The following PHF2 variants were observed in gnomAD, a reference collection of about 807,000 sequenced individuals.
The protein encoded by PHF2 is PHD finger protein 2, also known as lysine-specific demethylase PHF2.
A neutral mutation model predicts 120.5 loss-of-function variants in PHF2; 27 were observed. The observed-to-expected ratio is 0.22, with a 90% confidence interval of 0.17 to 0.31. PHF2 has a LOEUF of 0.31. Among genes scored for constraint, PHF2 ranks in the 10% least tolerant of loss-of-function variants. The pLI is 1.00. For missense variants in PHF2, 1,024 were observed against 1,434.8 expected (o/e 0.71, Z 4.63); for synonymous variants, 568 against 592.5 (o/e 0.96, Z 0.60).
At chr9:93,670,315 A>G (rs1963) in intron 17 of PHF2, among the ~76,000 whole-genome samples, 9,435 of 152,292 alleles carry the variant, frequency 0.062, 410 homozygotes, top group Non-Finnish European at 0.09. Flanking sequence ...GGTTTGAGCC[A>G]CAGGGAAGTG....
At chr9:93,613,289 A>G (rs934574053) in intron 1 of PHF2, among the ~76,000 whole-genome samples, 1 of 152,228 alleles carries the variant, frequency 6.6e-6, no homozygotes, top group African/African-American at 2.4e-5. Flanking sequence ...CTGTGGCCGC[A>G]TGCAAAGATG....
In PHF2 at chr9:93,677,137, C is replaced by T. The variant is rs1826932794; in HGVS notation, c.3202+174C>T. On this transcript the variant is annotated intron_variant, in intron 21 of 21. Coordinates refer to ENST00000359246, the MANE Select transcript of PHF2 (RefSeq NM_005392.4). This position sits in a 1 kb window ranked among gnomAD's most constrained non-coding sequence, Gnocchi z 4.4. Reference sequence around the variant, plus strand: ...GGTTGCATCTTTGTGTGAGCGTATCCCACAGTACAGGACGTGTGCTTTCAT... The same window carrying T: ...GGTTGCATCTTTGTGTGAGCGTATCTCACAGTACAGGACGTGTGCTTTCAT... Among the ~76,000 whole-genome samples, 1 of 147,626 alleles carries T rather than the reference C, an allele frequency of 6.8e-6. No individual in the cohort carries two copies. The highest frequency in any genetic ancestry group is 1.5e-5 in the Non-Finnish European group (1 of 67,122).
chr9:93,652,309 T>G (rs1244601599), intron 5 of PHF2, among the ~76,000 whole-genome samples: 2 of 149,744 alleles, frequency 1.3e-5, no homozygotes, highest in Non-Finnish European at 3.0e-5. Flanking sequence ...TTTTTTTTTT[T>G]TTGGAGATGG....
At chr9:93,643,522 C>T (rs1826202444) in intron 3 of PHF2, among the ~76,000 whole-genome samples, 1 of 152,192 alleles carries the variant, frequency 6.6e-6, no homozygotes, top group African/African-American at 2.4e-5. Flanking sequence ...AGCCAGTGGA[C>T]ATTCTTCAGT....
At chr9:93,663,494 A>G (rs945209165) in intron 13 of PHF2, 23 bp from the exon 14 acceptor site, 1 of 1,465,080 alleles carries the variant, frequency 6.8e-7, no homozygotes, top group Non-Finnish European at 9.5e-7. Context: ...GGGCTCAGGG[A>G]CGGCCCTGGT....
intron 17 of PHF2, among the ~76,000 whole-genome samples, chr9:93,668,278 T>G (rs1022754595): frequency 6.6e-6 from 1 of 152,160 alleles, no homozygotes; most frequent in Non-Finnish European, 1.5e-5. Flanking sequence ...CTGTCCATGT[T>G]AAGCCCCTTG....
At chr9:93,659,478 C>T in intron 10 of PHF2, 33 bp from the exon 11 acceptor site, 1 of 1,583,588 alleles carries the variant, frequency 6.3e-7, no homozygotes, top group Non-Finnish European at 8.7e-7. Flanking sequence ...CGGGAGGTGT[C>T]TGGTGCTGAC....
intron 20 of PHF2, 94 bp from the exon 21 acceptor site, chr9:93,676,500 C>T: frequency 1.4e-6 from 2 of 1,465,108 alleles, no homozygotes; most frequent in Non-Finnish European, 1.8e-6. Flanking sequence ...CTGCTGTGCT[C>T]AAGGGCCCCT....
chr9:93,607,175 T>C (rs1266726353), intron 1 of PHF2, among the ~76,000 whole-genome samples: 2 of 152,228 alleles, frequency 1.3e-5, no homozygotes, highest in African/African-American at 4.8e-5. Context: ...CACTATTGTG[T>C]TGGCTATTAT....
chr9:93,665,794 T>G lies in PHF2; in HGVS notation c.2046T>G (p.Asp682Glu). 6.2e-7 allele frequency: 1 copy of G among 1,613,906 alleles called. No homozygotes were observed. ...GGGATGAGTATGAGTACGTGTCGGA[T>G]GACGGTGAGCTCAAGATCGACGAGT... ...PVRDEYEYVS[D>E]DGELKIDEFP... The change falls in exon 15 of 22, where the codon GAT becomes GAG. Residue 682 changes from aspartate to glutamate, a missense_variant. Asp to Glu is a conservative substitution (Grantham distance 45). Around this residue, in one of 2 missense-constraint regions of PHF2, gnomAD observed 677 missense variants for 857.4 expected, o/e 0.79. Coordinates refer to ENST00000359246, the MANE Select transcript of PHF2 (RefSeq NM_005392.4).
chr9:93,590,990 A>G (rs1439960922), intron 1 of PHF2, among the ~76,000 whole-genome samples: 1 of 152,216 alleles, frequency 6.6e-6, no homozygotes, highest in Non-Finnish European at 1.5e-5. Context: ...GAGTGTGGAC[A>G]TCCCAACAGC....
Position 93,660,441 on chromosome 9 carries a change from G to A in PHF2, c.1579G>A (p.Gly527Ser), listed in dbSNP as rs774348404. ...PPKTLKLKDG[G>S]KKKGKKSRES... ...CAAAACGCTGAAGCTCAAAGATGGA[G>A]GCAAGAAGAAAGGGAAGAAGTCCCG... Residue 527 changes from glycine (G) to serine (S), a missense_variant, in exon 12 of 22, where the codon GGC becomes AGC. By Grantham distance (56) the Gly-to-Ser change is moderately conservative. Around this residue, in one of 2 missense-constraint regions of PHF2, gnomAD observed 677 missense variants for 857.4 expected, o/e 0.79. Coordinates refer to ENST00000359246, the MANE Select transcript of PHF2 (RefSeq NM_005392.4). The A allele has an allele frequency of 1.3e-6, 2 of 1,562,260 alleles. No homozygotes were observed. The highest frequency in any genetic ancestry group is 1.7e-6 in the Non-Finnish European group (2 of 1,154,290).
intron 1 of PHF2, among the ~76,000 whole-genome samples, chr9:93,609,887 G>A (rs906180749): frequency 1.3e-5 from 2 of 152,060 alleles, no homozygotes; most frequent in Non-Finnish European, 2.9e-5. Context: ...AGTAGAGATG[G>A]GGTTTCACCA....
chr9:93,596,978 C>T (rs1282430299), intron 1 of PHF2, among the ~76,000 whole-genome samples: 11 of 140,112 alleles, frequency 7.9e-5, no homozygotes, highest in Non-Finnish European at 1.7e-4. Flanking sequence ...TCTCCCAGGC[C>T]GGAGTGCAGT....
intron 12 of PHF2, among the ~76,000 whole-genome samples, chr9:93,662,359 A>G (rs1826586183): frequency 6.6e-6 from 1 of 151,324 alleles, no homozygotes; most frequent in Admixed American, 6.6e-5. Flanking sequence ...GGATGGATGA[A>G]TGGATGAGTG....
At chr9:93,633,752 C>T (rs567860016) in intron 2 of PHF2, among the ~76,000 whole-genome samples, 1 of 152,272 alleles carries the variant, frequency 6.6e-6, no homozygotes, top group South Asian at 2.1e-4. Flanking sequence ...CCTCAGTGAG[C>T]GTCCTTGGAC....
At chr9:93,648,918 G>A (rs975993632) in intron 4 of PHF2, among the ~76,000 whole-genome samples, 153 bp from the exon 5 acceptor site, 13 of 151,938 alleles carry the variant, frequency 8.6e-5, no homozygotes, top group African/African-American at 2.7e-4. Context: ...GGTGAAGCTC[G>A]ACGTTGGCAC....
At chr9:93,629,850 T>C in intron 1 of PHF2, 120 bp from the exon 2 acceptor site, 1 of 899,220 alleles carries the variant, frequency 1.1e-6, no homozygotes, top group Non-Finnish European at 1.8e-6. Flanking sequence ...TGCACAGCTG[T>C]GCTCCATCTG....
At chr9:93,653,469 C>A (rs1826403670) in intron 6 of PHF2, 104 bp downstream of exon 6, 21 of 1,185,902 alleles carry the variant, frequency 1.8e-5, no homozygotes, top group East Asian at 2.4e-5. Flanking sequence ...ATGCGACTCC[C>A]CAGAGGGCCC....
Sources: allele counts gnomAD v4.1 joint callset (sites outside exome capture counted in the v4.1 genomes callset), GRCh38; gene constraint gnomAD v4.1.1; regional missense constraint gnomAD v4.1.1; non-coding constraint Gnocchi (gnomAD v3.1); transcripts MANE v1.5; gene names NCBI Gene and HGNC (gene_info 2026-07-23, HGNC 2026-07-21).